The following DTD2 variants were observed in gnomAD, a reference collection of about 807,000 sequenced individuals.
The protein encoded by DTD2 is D-tyrosyl-tRNA deacylase 2 (putative).
Under a neutral mutation model 15.5 loss-of-function variants are expected in DTD2, and 12 were observed. The ratio of observed to expected loss-of-function variants is 0.77; its 90% CI spans 0.50 to 1.25. The LOEUF (loss-of-function observed/expected upper bound fraction) is 1.25. Ranked by LOEUF, DTD2 falls within the 50% of genes most tolerant of loss-of-function variation. The probability of loss-of-function intolerance (pLI) is 0.00; values close to 1 mark genes in which losing one functional copy is unlikely to be tolerated. For missense variants in DTD2, 170 were observed against 201.1 expected, an observed-to-expected ratio of 0.85 and a Z score of 0.93; for synonymous variants, 59 against 77.3, an observed-to-expected ratio of 0.76 and a Z score of 1.24.
chr14:31,449,734 A>G (rs965517482), intron 2 of DTD2, among the ~76,000 whole-genome samples: 7 of 152,208 alleles, frequency 4.6e-5, no homozygotes, highest in Non-Finnish European at 1.0e-4. Context: ...GAGAGGGCAA[A>G]TGGTAGAAGG....
At chr14:31,452,938 CTTTT>C (rs552520429) in intron 2 of DTD2, 27 of 142,484 alleles carry the variant, frequency 1.9e-4, no homozygotes, top group South Asian at 4.4e-4. Context: ...TTCTCACTCT[CTTTT>C]TTTTTTTTTT....
At chr14:31,449,172 C>T (rs765737329) in intron 2 of DTD2, among the ~76,000 whole-genome samples, 2 of 152,166 alleles carry the variant, frequency 1.3e-5, no homozygotes, top group African/African-American at 2.4e-5. Flanking sequence ...GGATTACAGG[C>T]GTGAGCCACC....
chr14:31,453,209 G>T, intron 2 of DTD2, 66 bp downstream of exon 2: 2 of 1,509,850 alleles, frequency 1.3e-6, no homozygotes, highest in Non-Finnish European at 1.8e-6. Flanking sequence ...AACGTGTTGG[G>T]ATTACAGGTG....
chr14:31,457,477 G>T lies in DTD2; in HGVS notation c.-84C>A. The T allele has an allele frequency of 1.8e-6, 2 of 1,096,050 alleles. No homozygotes were observed. The highest frequency in any genetic ancestry group is 1.3e-6 in the Non-Finnish European group (1 of 799,648). The allele number at this position is 1,096,050 out of a possible 1,614,324, so 67.9% of individuals were successfully genotyped here. A position where few individuals can be genotyped will look rare whatever the true frequency, so the allele number is the denominator to read the frequency against. ...TCGACGCGCTGGCGGGGCAGACGAG[G>T]CGGGGCACGACGAAGGGCCTGCGCC... On this transcript the variant is annotated 5_prime_UTR_variant, in exon 1 of 3. Coordinates refer to ENST00000310850, the MANE Select transcript of DTD2 (RefSeq NM_080664.3).
chr14:31,452,631 T>C (rs760580360), intron 2 of DTD2: 1 of 152,218 alleles, frequency 6.6e-6, no homozygotes, highest in East Asian at 1.9e-4. Context: ...AAATTATAGC[T>C]AGATAGGAGG....
intron 2 of DTD2, among the ~76,000 whole-genome samples, chr14:31,451,535 T>C (rs1436450871): frequency 6.6e-6 from 1 of 152,142 alleles, no homozygotes; most frequent in Non-Finnish European, 1.5e-5. Flanking sequence ...ATCTTCTGGA[T>C]TCAAATTTCA....
At chr14:31,452,167 A>G (rs1474335299) in intron 2 of DTD2, 1 of 152,178 alleles carries the variant, frequency 6.6e-6, no homozygotes, top group Non-Finnish European at 1.5e-5. Context: ...ATCTATTCTT[A>G]TTTCCACAAG....
chr14:31,452,982 G>A (rs2139362709), intron 2 of DTD2: 1 of 210,784 alleles, frequency 4.7e-6, no homozygotes, highest in African/African-American at 2.4e-5. Context: ...CTGTTGCCCA[G>A]GCTGGAGTGC....
chr14:31,451,820 A>C (rs1398578379), intron 2 of DTD2, among the ~76,000 whole-genome samples: 1 of 152,196 alleles, frequency 6.6e-6, no homozygotes, highest in Non-Finnish European at 1.5e-5. Flanking sequence ...AGGAGAATAC[A>C]ACCTGTTCCC....
chr14:31,456,080 T>A (rs2032091872), intron 1 of DTD2, among the ~76,000 whole-genome samples: 1 of 152,172 alleles, frequency 6.6e-6, no homozygotes, highest in Non-Finnish European at 1.5e-5. Flanking sequence ...CCACACATCA[T>A]ATAGTTCACG....
At chr14:31,451,864 T>G (rs775944045) in intron 2 of DTD2, among the ~76,000 whole-genome samples, 1 of 152,230 alleles carries the variant, frequency 6.6e-6, no homozygotes, top group African/African-American at 2.4e-5. Context: ...CAAGTTTGTA[T>G]GTATGTTTGT....
chr14:31,452,408 G>A (rs1455522755), intron 2 of DTD2: 1 of 152,196 alleles, frequency 6.6e-6, no homozygotes, highest in Non-Finnish European at 1.5e-5. Context: ...CTGTGTGTAT[G>A]TGTATGTGTG....
chr14:31,449,921 TGA>T (rs1428334185), intron 2 of DTD2, among the ~76,000 whole-genome samples: 1 of 152,250 alleles, frequency 6.6e-6, no homozygotes, highest in Non-Finnish European at 1.5e-5. Context: ...AACACCCAAA[TGA>T]ATTCCTAAGC....
Position 31,446,187 on chromosome 14 carries a change from A to C in DTD2, c.*1942T>G, listed in dbSNP as rs2031955773. On this transcript the variant is annotated 3_prime_UTR_variant, in exon 3 of 3. Transcript: ENST00000310850. ...ACAGGAAGGGTATAGAGAAAATAGG[A>C]TTTTTCATGATAAAAATTTTAAGCA... 6.6e-6 allele frequency: 1 copy of C among 152,160 alleles called. No homozygotes were observed. The highest frequency in any genetic ancestry group is 1.5e-5 in the Non-Finnish European group (1 of 68,016). 9.4% of individuals were successfully genotyped at this position (152,160 alleles called of 1,614,324 possible). A position where few individuals can be genotyped will look rare whatever the true frequency, so the allele number is the denominator to read the frequency against.
At chr14:31,452,466 T>C (rs2032047847) in intron 2 of DTD2, 1 of 152,224 alleles carries the variant, frequency 6.6e-6, no homozygotes, top group Non-Finnish European at 1.5e-5. Flanking sequence ...CTGCAGATGT[T>C]TTAAAAAAAT....
intron 1 of DTD2, among the ~76,000 whole-genome samples, chr14:31,456,134 T>G (rs1441685681): frequency 6.6e-6 from 1 of 152,152 alleles, no homozygotes; most frequent in Non-Finnish European, 1.5e-5. Flanking sequence ...GGCTCAGGCT[T>G]GTAATCCCAG....
In DTD2 at chr14:31,453,328, A is replaced by G; in HGVS notation, c.128T>C (p.Val43Ala). 3 of 1,614,068 alleles carry G rather than the reference A, an allele frequency of 1.9e-6. No homozygotes were observed. The highest frequency in any genetic ancestry group is 1.1e-5 in the South Asian group (1 of 91,088). The stretch of plus-strand genomic sequence containing the variant: ...TCCCTTGAAAAAGCACACGTAGATC[A>G]CCAGTCCTCTTTGGACCTATGAGAA... ...AQWVEVQRGL[V>A]IYVCFFKGAD... Residue 43 changes from valine to alanine, a missense_variant, in exon 2 of 3, where the codon GTG becomes GCG. By Grantham distance (64) the Val-to-Ala change is moderately conservative (BLOSUM62 0). Coordinates refer to ENST00000310850, the MANE Select transcript of DTD2 (RefSeq NM_080664.3).
At chr14:31,451,459 CTCTTTT>C (rs1337977154) in intron 2 of DTD2, among the ~76,000 whole-genome samples, 4 of 151,630 alleles carry the variant, frequency 2.6e-5, no homozygotes, top group Admixed American at 2.0e-4. Context: ...CTCTCTCTCT[CTCTTTT>C]TTTTTCTTTC....
intron 1 of DTD2, among the ~76,000 whole-genome samples, chr14:31,456,074 A>G (rs1324470490): frequency 6.6e-6 from 1 of 152,122 alleles, no homozygotes; most frequent in Admixed American, 6.5e-5. Flanking sequence ...AATCACCCAC[A>G]CATCATATAG....
Sources: allele counts gnomAD v4.1 joint callset (sites outside exome capture counted in the v4.1 genomes callset), GRCh38; gene constraint gnomAD v4.1.1; transcripts MANE v1.5; gene names NCBI Gene and HGNC (gene_info 2026-07-23, HGNC 2026-07-21).